NPAS3: variants seen among roughly 807,000 people sequenced by gnomAD.
The protein encoded by NPAS3 is neuronal PAS domain protein 3.
Under a neutral mutation model 73.1 loss-of-function variants are expected in NPAS3, and 14 were observed. That is an observed-to-expected ratio of 0.19 (90% CI 0.13 to 0.30). NPAS3 has a LOEUF of 0.30. NPAS3 is among the 10% of genes least tolerant of loss of function. The pLI, the probability that NPAS3 is intolerant of heterozygous loss-of-function variation, is 1.00. For missense variants in NPAS3, 1,096 were observed against 1,250.0 expected, an observed-to-expected ratio of 0.88 and a Z score of 1.86; for synonymous variants, 620 against 541.5, an observed-to-expected ratio of 1.14 and a Z score of -2.01.
At chr14:33,736,185 A>G (rs2061519542) in intron 7 of NPAS3, among the ~76,000 whole-genome samples, 1 of 152,222 alleles carries the variant, frequency 6.6e-6, no homozygotes, top group Non-Finnish European at 1.5e-5. Context: ...AGAACTTCTG[A>G]TAGTTCAGTT....
At chr14:33,483,512 G>GT (rs1397948913) in intron 4 of NPAS3, among the ~76,000 whole-genome samples, 1 of 152,134 alleles carries the variant, frequency 6.6e-6, no homozygotes, top group South Asian at 2.1e-4. Flanking sequence ...TTGGACCTGG[G>GT]TTTTCATTCA....
At chr14:33,058,920 G>A (rs1398996711) in intron 2 of NPAS3, among the ~76,000 whole-genome samples, 1 of 152,150 alleles carries the variant, frequency 6.6e-6, no homozygotes, top group Non-Finnish European at 1.5e-5. Flanking sequence ...GAAAGAAATG[G>A]TCAGTCTTAT....
chr14:33,229,421 C>T (rs1477410878), intron 3 of NPAS3, among the ~76,000 whole-genome samples: 1 of 152,082 alleles, frequency 6.6e-6, no homozygotes, highest in African/African-American at 2.4e-5. Context: ...TCCAGGGAGC[C>T]GGGAAGTCGA....
intron 3 of NPAS3, among the ~76,000 whole-genome samples, chr14:33,227,684 T>A (rs2047686062): frequency 6.6e-6 from 1 of 152,196 alleles, no homozygotes; most frequent in African/African-American, 2.4e-5. Flanking sequence ...TCCCAATGAT[T>A]CCACCTCCAA....
intron 4 of NPAS3, 78 bp downstream of exon 4, chr14:33,367,346 T>A: frequency 1.5e-6 from 1 of 672,154 alleles, no homozygotes; most frequent in Non-Finnish European, 2.6e-6. Flanking sequence ...TTTAAAGAAT[T>A]TTTTTTAAAT....
At chr14:32,944,269 T>C (rs1268705122) in intron 1 of NPAS3, among the ~76,000 whole-genome samples, 1 of 152,222 alleles carries the variant, frequency 6.6e-6, no homozygotes, top group Non-Finnish European at 1.5e-5. Context: ...ATCATTCTAA[T>C]TGATTTTTTA....
rs2063657795 is a variant in NPAS3 at position 33,800,284 on chromosome 14, C to G, written c.1977C>G (p.Asp659Glu). Residue 659 changes from aspartate (D) to glutamate (E), a missense_variant, in exon 12 of 12, where the codon GAC becomes GAG. Physicochemically the swap from Asp to Glu is conservative, Grantham distance 45. This residue lies in a region of NPAS3 where 698 missense variants were observed against 676.7 expected (regional missense o/e 1.03). Coordinates refer to ENST00000356141, the Ensembl canonical transcript of NPAS3. This position sits in a 1 kb window ranked among gnomAD's most constrained non-coding sequence, Gnocchi z 6.5. ...AGATCTCAGAACCCATCAATTTCGACAATGACAGCAGCATCTGGAACTACC... is the reference window on the plus strand; with the variant it reads ...AGATCTCAGAACCCATCAATTTCGAGAATGACAGCAGCATCTGGAACTACC... 1 of 1,613,338 alleles carries G rather than the reference C, an allele frequency of 6.2e-7. No homozygotes were observed. The highest frequency in any genetic ancestry group is 1.3e-5 in the African/African-American group (1 of 74,866).
At chr14:33,308,742 A>C (rs1175484197) in intron 3 of NPAS3, among the ~76,000 whole-genome samples, 1 of 151,992 alleles carries the variant, frequency 6.6e-6, no homozygotes, top group African/African-American at 2.4e-5. Context: ...ATTTCATTAA[A>C]ATAACCACAA....
intron 5 of NPAS3, among the ~76,000 whole-genome samples, chr14:33,573,885 C>T (rs1330689114): frequency 1.3e-5 from 2 of 152,108 alleles, no homozygotes; most frequent in East Asian, 3.9e-4. Flanking sequence ...TAGGGCACAC[C>T]AGTGGAAATA....
At chr14:33,292,043 A>G (rs555299138) in intron 3 of NPAS3, among the ~76,000 whole-genome samples, 1 of 152,324 alleles carries the variant, frequency 6.6e-6, no homozygotes, top group African/African-American at 2.4e-5. Flanking sequence ...AAACAGTGTC[A>G]GTATTTTATA....
At chr14:33,572,226 G>T (rs1348408426) in intron 5 of NPAS3, among the ~76,000 whole-genome samples, 3 of 152,092 alleles carry the variant, frequency 2.0e-5, no homozygotes, top group Non-Finnish European at 4.4e-5. Flanking sequence ...TTTTCTGTGA[G>T]GTATTTCAAT....
At chr14:33,724,931 G>A (rs935539207) in intron 6 of NPAS3, among the ~76,000 whole-genome samples, 2 of 152,078 alleles carry the variant, frequency 1.3e-5, no homozygotes, top group Non-Finnish European at 2.9e-5. Flanking sequence ...TAAGAGATAA[G>A]AAAGTTGAAA....
At position 33,799,812 on chromosome 14, in the gene NPAS3, A is replaced by C. The variant is rs370797702; in HGVS notation, c.1505A>C (p.Lys502Thr). 4.8e-5 allele frequency: 78 copies of C among 1,613,892 alleles called. No individual in the cohort carries two copies. The highest frequency in any genetic ancestry group is 6.0e-5 in the Non-Finnish European group (71 of 1,179,918). Residue 502 changes from lysine to threonine, a missense_variant, in exon 12 of 12, where the codon AAG (lysine) becomes ACG (threonine). By Grantham distance (78) the Lys-to-Thr change is moderately conservative. Around this residue, in one of 5 missense-constraint regions of NPAS3, gnomAD observed 698 missense variants for 676.7 expected, o/e 1.03. Transcript: ENST00000356141. ...GAAGACCCGGAGCCCGACCGGAAGA[A>C]GTCGGGCAACGCGTGTGACAACGAC...
intron 2 of NPAS3, among the ~76,000 whole-genome samples, chr14:33,201,996 A>G (rs1368681818): frequency 6.6e-6 from 1 of 152,242 alleles, no homozygotes; most frequent in African/African-American, 2.4e-5. Flanking sequence ...ATATTATGAT[A>G]CAATCTTTTG....
chr14:33,126,228 T>C (rs1275882912), intron 2 of NPAS3, among the ~76,000 whole-genome samples: 1 of 152,178 alleles, frequency 6.6e-6, no homozygotes, highest in Non-Finnish European at 1.5e-5. Context: ...ACTACTTATC[T>C]ACTTGCAAGT....
At chr14:33,511,055 C>A (rs1566961585) in intron 4 of NPAS3, among the ~76,000 whole-genome samples, 1 of 152,044 alleles carries the variant, frequency 6.6e-6, no homozygotes, top group Non-Finnish European at 1.5e-5. Flanking sequence ...TTACCAGAAA[C>A]TCCTAGTTTC....
chr14:33,531,182 G>A (rs954189356), intron 4 of NPAS3, among the ~76,000 whole-genome samples: 1 of 152,008 alleles, frequency 6.6e-6, no homozygotes, highest in African/African-American at 2.4e-5. Context: ...GGAAGTGTGG[G>A]TCTTAAAATA....
chr14:33,706,702 A>T (rs1197491402), intron 6 of NPAS3, among the ~76,000 whole-genome samples: 2 of 152,138 alleles, frequency 1.3e-5, no homozygotes, highest in Non-Finnish European at 2.9e-5. Flanking sequence ...CAATCCTCCC[A>T]ATAATCCTAG....
intron 2 of NPAS3, among the ~76,000 whole-genome samples, chr14:33,206,062 T>C (rs1218509099): frequency 6.6e-6 from 1 of 152,204 alleles, no homozygotes; most frequent in Non-Finnish European, 1.5e-5. Flanking sequence ...TTTTATTGGA[T>C]ATTTCATTAA....
Sources: allele counts gnomAD v4.1 joint callset (sites outside exome capture counted in the v4.1 genomes callset), GRCh38; gene constraint gnomAD v4.1.1; regional missense constraint gnomAD v4.1.1; non-coding constraint Gnocchi (gnomAD v3.1); transcripts MANE v1.5; gene names NCBI Gene and HGNC (gene_info 2026-07-23, HGNC 2026-07-21).